Variants in CPSF6 observed in about 807,000 individuals in gnomAD.
CPSF6 encodes the protein cleavage and polyadenylation specificity factor subunit 6.
A neutral mutation model predicts 56.7 loss-of-function variants in CPSF6; 10 were observed. The observed-to-expected ratio is 0.18, with a 90% CI of 0.11 to 0.30. The LOEUF (loss-of-function observed/expected upper bound fraction) is 0.30, where lower values mean the gene tolerates loss of function less well. CPSF6 is among the 10% of genes least tolerant of loss of function. The probability of loss-of-function intolerance (pLI) is 1.00; values close to 1 mark genes in which losing one functional copy is unlikely to be tolerated. For synonymous variants in CPSF6, 248 were observed against 244.8 expected, an observed-to-expected ratio of 1.01 and a Z score of -0.12; for missense variants, 419 against 722.9, an observed-to-expected ratio of 0.58 and a Z score of 4.82.
chr12:69,252,193 GCCTCCAAGTAGCTAGGAC>G (rs1872281002), intron 2 of CPSF6: 1 of 426,818 alleles, frequency 2.3e-6, no homozygotes, highest in Admixed American at 2.6e-5. Context: ...TCCTGTGTCA[GCCTCCAAGTAGCTAGGAC>G]CACAGGCATG....
In CPSF6 at chr12:69,258,123, A is replaced by G. The variant is rs1872587198; in HGVS notation, c.694+218A>G. On this transcript the variant is annotated intron_variant, in intron 5 of 9. Coordinates refer to ENST00000435070, the MANE Select transcript of CPSF6 (RefSeq NM_007007.3). The surrounding 1 kb of genome is among the most constrained non-coding windows in gnomAD (Gnocchi z 4.2). ...GGCATATGGGGCACAGCATAGAGGAAATACCCATTTTTGGCCTAAAAGGTC... is the reference window on the plus strand; with the variant it reads ...GGCATATGGGGCACAGCATAGAGGAGATACCCATTTTTGGCCTAAAAGGTC... 3 of 1,534,680 alleles carry G rather than the reference A, an allele frequency of 2.0e-6. No homozygotes were observed. The highest frequency in any genetic ancestry group is 2.6e-6 in the Non-Finnish European group (3 of 1,145,620).
chr12:69,254,700 A>G (rs1217642022), intron 3 of CPSF6, among the ~76,000 whole-genome samples: 2 of 152,300 alleles, frequency 1.3e-5, no homozygotes, highest in East Asian at 3.9e-4. Context: ...GTGACCCAAG[A>G]TAATCCTGGT....
In CPSF6 at chr12:69,252,143, T is replaced by C. The variant is rs528662790; in HGVS notation, c.270+805T>C. On this transcript the variant is annotated intron_variant, in intron 2 of 9. Coordinates refer to ENST00000435070, the MANE Select transcript of CPSF6 (RefSeq NM_007007.3). Reference sequence around the variant, plus strand: ...AGGCTGGAGTGCAGTGGTGTAATCATAGCTCACTGAAGCCTCAAACTCCTG... The same window carrying C: ...AGGCTGGAGTGCAGTGGTGTAATCACAGCTCACTGAAGCCTCAAACTCCTG... The C allele has an allele frequency of 3.3e-5, 15 of 452,880 alleles. No homozygotes were observed. In the East Asian group the frequency reaches 9.8e-4, roughly 30 times the overall value. The allele number at this position is 452,880 out of a possible 1,614,324, so 28.1% of individuals were successfully genotyped here. A position where few individuals can be genotyped will look rare whatever the true frequency, so the allele number is the denominator to read the frequency against.
chr12:69,259,605 A>T, intron 7 of CPSF6, 62 bp downstream of exon 7: 1 of 1,386,204 alleles, frequency 7.2e-7, no homozygotes, highest in East Asian at 2.4e-5. Context: ...CTAAAAATGT[A>T]AGTACAATCT....
Position 69,272,352 on chromosome 12 carries a change from C to G in CPSF6, c.*2844C>G, listed in dbSNP as rs1362432473. ...GTGGAGAATATTGCTTTATTTTTTA[C>G]TAGTTTCAGGTCAGTTATTAAAATA... On this transcript the variant is annotated 3_prime_UTR_variant, in exon 10 of 10. Transcript: ENST00000435070. 2 of 151,430 alleles carry G rather than the reference C, an allele frequency of 1.3e-5. No individual in the cohort carries two copies. The highest frequency in any genetic ancestry group is 1.3e-4 in the Admixed American group (2 of 15,190). The allele number at this position is 151,430 out of a possible 1,614,324, so 9.4% of individuals were successfully genotyped here.
chr12:69,261,155 T>C (rs1872726276), intron 8 of CPSF6, among the ~76,000 whole-genome samples: 1 of 152,204 alleles, frequency 6.6e-6, no homozygotes, highest in African/African-American at 2.4e-5. Context: ...TAGTAATCTG[T>C]AAGAGAAAAG....
At chr12:69,255,808 A>T (rs1257117996) in intron 3 of CPSF6, among the ~76,000 whole-genome samples, 1 of 152,198 alleles carries the variant, frequency 6.6e-6, no homozygotes, top group Non-Finnish European at 1.5e-5. Flanking sequence ...AAGTGCTGAG[A>T]TTATAGGCGT....
intron 9 of CPSF6, among the ~76,000 whole-genome samples, chr12:69,268,634 A>G (rs1873105119): frequency 6.6e-6 from 1 of 151,770 alleles, no homozygotes; most frequent in Non-Finnish European, 1.5e-5. Flanking sequence ...GTTTCTTGTC[A>G]TTTATACTTT....
intron 1 of CPSF6, among the ~76,000 whole-genome samples, chr12:69,243,793 AAATT>A (rs1206213758): frequency 6.6e-6 from 1 of 152,162 alleles, no homozygotes; most frequent in Non-Finnish European, 1.5e-5. Flanking sequence ...AGGCTACACT[AAATT>A]TATTTAAACT....
intron 1 of CPSF6, among the ~76,000 whole-genome samples, chr12:69,248,092 T>A (rs1488112528): frequency 6.6e-6 from 1 of 152,206 alleles, no homozygotes; most frequent in African/African-American, 2.4e-5. Context: ...TGTGGAAAAT[T>A]GGTTTGTGTC....
At position 69,260,025 on chromosome 12, in the gene CPSF6, C is replaced by A. The variant is rs745511074; in HGVS notation, c.1316-19C>A. 3.1e-6 allele frequency: 5 copies of A among 1,607,650 alleles called. No individual in the cohort carries two copies. The highest frequency in any genetic ancestry group is 2.2e-5 in the South Asian group (2 of 89,500). On this transcript the variant is annotated intron_variant, in intron 7 of 9. Transcript: ENST00000435070. ...AAACAAAATTTGTTTGACTTCAAACCCTTTCCTTTCCCTCACAGGTGATTA... is the reference window on the plus strand; with the variant it reads ...AAACAAAATTTGTTTGACTTCAAACACTTTCCTTTCCCTCACAGGTGATTA...
chr12:69,260,207 T>C lies in CPSF6; in HGVS notation c.1469+10T>C, dbSNP rs996841124. On this transcript the variant is annotated intron_variant, in intron 8 of 9. Transcript: ENST00000435070. The stretch of plus-strand genomic sequence containing the variant: ...ATGGTTCTGGATCAAGGTAAAACTT[T>C]CCTGTCTCATTTCCATTTAAAAAAA... The C allele has an allele frequency of 4.5e-6, 7 of 1,548,676 alleles. No individual in the cohort carries two copies. Among genetic ancestry groups the C allele is most frequent in the East Asian group, 4.8e-5 (2 of 41,708 alleles).
Position 69,258,915 on chromosome 12 carries a change from T to A in CPSF6, c.1020T>A (p.Pro340=). The change falls in exon 6 of 10, where the codon CCT becomes CCA. Residue 340 remains proline, a synonymous_variant. Coordinates refer to ENST00000435070, the MANE Select transcript of CPSF6 (RefSeq NM_007007.3). This position sits in a 1 kb window ranked among gnomAD's most constrained non-coding sequence, Gnocchi z 4.2. ...GGCCACCCCTTACACTAGCTCCTCC[T>A]CCGCATCTTCCTGGACCACCTCCAG... The part of the protein sequence containing the change: ...PLGPPLTLAP[P]PHLPGPPPGA... The A allele has an allele frequency of 6.2e-7, 1 of 1,614,018 alleles. No individual in the cohort carries two copies. Among genetic ancestry groups the A allele is most frequent in the Non-Finnish European group, 8.5e-7 (1 of 1,179,986 alleles).
At chr12:69,267,115 A>T (rs1032109537) in intron 9 of CPSF6, among the ~76,000 whole-genome samples, 1 of 152,076 alleles carries the variant, frequency 6.6e-6, no homozygotes, top group Non-Finnish European at 1.5e-5. Context: ...TTAGTAGTGC[A>T]TCTCTAAAAT....
At chr12:69,245,525 AAG>A (rs1182961246) in intron 1 of CPSF6, among the ~76,000 whole-genome samples, 1 of 152,214 alleles carries the variant, frequency 6.6e-6, no homozygotes, top group African/African-American at 2.4e-5. Context: ...CCTCTCAGAT[AAG>A]AGGGGACTAC....
At chr12:69,241,411 C>G (rs1412185644) in intron 1 of CPSF6, among the ~76,000 whole-genome samples, 1 of 152,152 alleles carries the variant, frequency 6.6e-6, no homozygotes, top group African/African-American at 2.4e-5. Flanking sequence ...GCTGTAACTG[C>G]AAGGAACAAC....
chr12:69,239,732 G>A, intron 1 of CPSF6, 26 bp downstream of exon 1: 1 of 1,563,264 alleles, frequency 6.4e-7, no homozygotes, highest in Non-Finnish European at 8.7e-7. Context: ...GGTCCCCGCC[G>A]CCGACGCGGG....
chr12:69,262,508 C>CCGAGACCGTGACCGAGAG lies in CPSF6; in HGVS notation c.1608_1625dup (p.Asp539_Arg544dup). ...AACGAGAGAGGCACCGGGATCGTGA[C>CCGAGACCGTGACCGAGAG]CGAGACCGTGACCGAGAGCGTGACC... On this transcript the variant is annotated inframe_insertion, in exon 9 of 10. Transcript: ENST00000435070. 1 of 1,613,936 alleles carries CCGAGACCGTGACCGAGAG rather than the reference C, an allele frequency of 6.2e-7. No individual in the cohort carries two copies. Among genetic ancestry groups the CCGAGACCGTGACCGAGAG allele is most frequent in the Non-Finnish European group, 8.5e-7 (1 of 1,179,906 alleles).
intron 9 of CPSF6, among the ~76,000 whole-genome samples, chr12:69,264,413 C>T (rs1207893514): frequency 6.6e-6 from 1 of 151,984 alleles, no homozygotes; most frequent in African/African-American, 2.4e-5. Context: ...GCATAGTCAA[C>T]CAAGTAAACA....
Sources: allele counts gnomAD v4.1 joint callset (sites outside exome capture counted in the v4.1 genomes callset), GRCh38; gene constraint gnomAD v4.1.1; non-coding constraint Gnocchi (gnomAD v3.1); transcripts MANE v1.5; gene names NCBI Gene and HGNC (gene_info 2026-07-23, HGNC 2026-07-21).